PRKAR1A: variants seen among roughly 807,000 people sequenced by gnomAD.
PRKAR1A encodes the protein cAMP-dependent protein kinase type I-alpha regulatory subunit.
Under a neutral mutation model 52.0 loss-of-function variants are expected in PRKAR1A, and 3 were observed. The ratio of observed to expected loss-of-function variants is 0.06; its 90% CI spans 0.03 to 0.15. The LOEUF (loss-of-function observed/expected upper bound fraction) is 0.15. Among genes scored for constraint, PRKAR1A ranks in the 10% least tolerant of loss-of-function variants. The pLI, the probability that PRKAR1A is intolerant of heterozygous loss-of-function variation, is 1.00. For missense variants in PRKAR1A, 240 were observed against 477.4 expected, an observed-to-expected ratio of 0.50 and a Z score of 4.63; for synonymous variants, 188 against 168.4, an observed-to-expected ratio of 1.12 and a Z score of -0.90.
the PRKAR1A span, among the ~76,000 whole-genome samples, chr17:68,487,658 G>A: frequency 8.6e-5 from 13 of 151,922 alleles, no homozygotes; most frequent in South Asian, 2.1e-4. Flanking sequence ...AAAATTAGCC[G>A]GGACTGGTGG....
At chr17:68,451,793 C>A in the PRKAR1A span, among the ~76,000 whole-genome samples, 11 of 152,166 alleles carry the variant, frequency 7.2e-5, no homozygotes, top group Admixed American at 2.6e-4. Flanking sequence ...AGTATTATGA[C>A]GAGGAAAGTA....
chr17:68,547,932 C>T (rs1235349825), intron 11 of PRKAR1A, among the ~76,000 whole-genome samples: 2 of 152,322 alleles, frequency 1.3e-5, no homozygotes, highest in Middle Eastern at 3.4e-3. Flanking sequence ...AATAATTTCT[C>T]GCTTCCCATT....
At chr17:68,430,960 G>GTAGCATT in the PRKAR1A span, among the ~76,000 whole-genome samples, 1 of 152,150 alleles carries the variant, frequency 6.6e-6, no homozygotes, top group Non-Finnish European at 1.5e-5. Context: ...CAATGGGCTA[G>GTAGCATT]GGGGTCTTTG....
At chr17:68,549,460 C>T (rs1192491525) in intron 11 of PRKAR1A, among the ~76,000 whole-genome samples, 1 of 151,244 alleles carries the variant, frequency 6.6e-6, no homozygotes, top group Non-Finnish European at 1.5e-5. Context: ...CGCCACTGCA[C>T]TCCAGCCTGG....
chr17:68,480,253 T>A, the PRKAR1A span, among the ~76,000 whole-genome samples: 1 of 152,224 alleles, frequency 6.6e-6, no homozygotes, highest in Non-Finnish European at 1.5e-5. Flanking sequence ...TGTTTTATAA[T>A]TTAAAGTTTT....
At chr17:68,506,281 C>T in the PRKAR1A span, among the ~76,000 whole-genome samples, 22 of 151,980 alleles carry the variant, frequency 1.4e-4, no homozygotes, top group Admixed American at 1.4e-3. Flanking sequence ...TGCTCTCTTG[C>T]CCATTAGTTC....
At chr17:68,436,578 A>G in the PRKAR1A span, 1 of 1,073,274 alleles carries the variant, frequency 9.3e-7, no homozygotes, top group East Asian at 2.5e-5. Flanking sequence ...AGTGCCACCT[A>G]CTGGCAAGGG....
intron 2 of PRKAR1A, among the ~76,000 whole-genome samples, chr17:68,517,580 C>T (rs185069509): frequency 1.3e-5 from 2 of 152,306 alleles, no homozygotes; most frequent in African/African-American, 4.8e-5. Context: ...ATCATGATAA[C>T]AGCATGAGGG....
chr17:68,482,485 G>A, the PRKAR1A span, among the ~76,000 whole-genome samples: 1 of 152,104 alleles, frequency 6.6e-6, no homozygotes, highest in African/African-American at 2.4e-5. Context: ...GCTGTAATAA[G>A]GAAGCAATCA....
chr17:68,544,964 A>T (rs2086480698), intron 11 of PRKAR1A, among the ~76,000 whole-genome samples: 2 of 152,256 alleles, frequency 1.3e-5, no homozygotes, highest in South Asian at 4.1e-4. Context: ...AGAAGCACTA[A>T]TGCACGTCTC....
At chr17:68,457,483 C>A in the PRKAR1A span, 2 of 1,338,560 alleles carry the variant, frequency 1.5e-6, no homozygotes, top group Non-Finnish European at 1.9e-6. Context: ...GCAGCCCGCC[C>A]GCGCCGGCTC....
chr17:68,433,783 T>TTG, the PRKAR1A span, among the ~76,000 whole-genome samples: 3 of 85,946 alleles, frequency 3.5e-5, no homozygotes, highest in African/African-American at 1.2e-4. Context: ...TTTTTTTTTT[T>TTG]TTTTTTTTTT....
At chr17:68,457,459 C>A in the PRKAR1A span, 3 of 1,441,106 alleles carry the variant, frequency 2.1e-6, no homozygotes, top group South Asian at 2.8e-5. Context: ...TCGGAGCCGG[C>A]GACAGCCACC....
chr17:68,459,462 T>TA, the PRKAR1A span, among the ~76,000 whole-genome samples: 137 of 152,320 alleles, frequency 9.0e-4, no homozygotes, highest in African/African-American at 3.0e-3. Context: ...TGTTTCATGA[T>TA]AAAAAAGCAG....
In PRKAR1A at chr17:68,540,911, G is replaced by A. The variant is rs764623015; in HGVS notation, c.974-10173G>A. 10 of 1,603,624 alleles carry A rather than the reference G, an allele frequency of 6.2e-6. No homozygotes were observed. The Admixed American group carries it at 6.8e-5, about 11-fold the overall frequency. ...GAGGAGCCGCTGGCTGTTGTTGTAC[G>A]GGTAGATCTGTTTCACTGTGTCACA... On this transcript the variant is annotated intron_variant, in intron 11 of 11. Transcript: ENST00000585981.
the PRKAR1A span, among the ~76,000 whole-genome samples, chr17:68,434,049 C>A: frequency 3.9e-5 from 6 of 151,932 alleles, no homozygotes; most frequent in Non-Finnish European, 5.9e-5. Flanking sequence ...GGATTACAGA[C>A]GTGAGCCACC....
intron 11 of PRKAR1A, among the ~76,000 whole-genome samples, chr17:68,543,339 C>G (rs1334870753): frequency 6.6e-6 from 1 of 152,070 alleles, no homozygotes; most frequent in Non-Finnish European, 1.5e-5. Flanking sequence ...GGTGCATTCT[C>G]CTCGCTCTCA....
chr17:68,489,316 GTATATA>G, the PRKAR1A span, among the ~76,000 whole-genome samples: 6 of 26,192 alleles, frequency 2.3e-4, 1 homozygote, highest in African/African-American at 1.1e-3. Context: ...TATATGGAAA[GTATATA>G]TATATATATA....
At chr17:68,464,172 G>GCGT in the PRKAR1A span, among the ~76,000 whole-genome samples, 1 of 152,140 alleles carries the variant, frequency 6.6e-6, no homozygotes, top group African/African-American at 2.4e-5. Context: ...ACTGACATTG[G>GCGT]CATATCTAAT....
Sources: allele counts gnomAD v4.1 joint callset (sites outside exome capture counted in the v4.1 genomes callset), GRCh38; gene constraint gnomAD v4.1.1; transcripts MANE v1.5; gene names NCBI Gene and HGNC (gene_info 2026-07-23, HGNC 2026-07-21).